The following CSMD1 variants were observed in gnomAD, a reference collection of about 807,000 sequenced individuals.
CSMD1 encodes CUB and Sushi multiple domains 1, also known as CUB and sushi domain-containing protein 1.
CSMD1 carries 213 observed loss-of-function variants against 417.5 expected under a neutral mutation model. The ratio of observed to expected loss-of-function variants is 0.51; its 90% CI spans 0.46 to 0.57. The LOEUF (loss-of-function observed/expected upper bound fraction) is 0.57, where lower values mean the gene tolerates loss of function less well. Ranked by LOEUF, CSMD1 falls within the 20% of genes least tolerant of loss-of-function variation. The pLI, the probability that CSMD1 is intolerant of heterozygous loss-of-function variation, is 0.00. For missense variants in CSMD1, 6,923 were observed against 4,529.7 expected, an observed-to-expected ratio of 1.53 and a Z score of -15.17; for synonymous variants, 2,862 against 1,736.8, an observed-to-expected ratio of 1.65 and a Z score of -16.11.
intron 7 of CSMD1, among the ~76,000 whole-genome samples, chr8:3,618,595 G>C (rs1162326334): frequency 6.6e-6 from 1 of 151,832 alleles, no homozygotes; most frequent in Non-Finnish European, 1.5e-5. Flanking sequence ...CAGCAAGTTT[G>C]GTGATAGCAT....
chr8:4,193,063 A>G (rs1305638413), intron 3 of CSMD1, among the ~76,000 whole-genome samples: 1 of 152,156 alleles, frequency 6.6e-6, no homozygotes, highest in Non-Finnish European at 1.5e-5. Flanking sequence ...TATTTATCTT[A>G]TTTGAAATAC....
chr8:4,963,061 A>T (rs1250062761), intron 1 of CSMD1, among the ~76,000 whole-genome samples: 1 of 152,152 alleles, frequency 6.6e-6, no homozygotes, highest in Non-Finnish European at 1.5e-5. Flanking sequence ...AACTGCACCC[A>T]GGAGCTCAGG....
intron 23 of CSMD1, among the ~76,000 whole-genome samples, chr8:3,332,373 C>T (rs547297998): frequency 6.6e-6 from 1 of 152,226 alleles, no homozygotes; most frequent in Admixed American, 6.5e-5. Flanking sequence ...CACCCACCTC[C>T]AGACATCTCT....
chr8:4,255,917 T>C (rs73660710), intron 3 of CSMD1, among the ~76,000 whole-genome samples: 2,061 of 152,304 alleles, frequency 0.014, 52 homozygotes, highest in African/African-American at 0.047. Context: ...GTAGCCTTTG[T>C]TGTGTTCTTG....
intron 2 of CSMD1, among the ~76,000 whole-genome samples, chr8:4,471,043 G>A (rs1358157616): frequency 1.3e-5 from 2 of 151,988 alleles, no homozygotes; most frequent in African/African-American, 4.8e-5. Flanking sequence ...GAACTTGCAA[G>A]GTCTAATTTC....
At chr8:3,920,783 T>A (rs1809192387) in intron 5 of CSMD1, among the ~76,000 whole-genome samples, 1 of 152,196 alleles carries the variant, frequency 6.6e-6, no homozygotes, top group Non-Finnish European at 1.5e-5. Flanking sequence ...TTTATTGATT[T>A]GCGTATGTTA....
intron 49 of CSMD1, among the ~76,000 whole-genome samples, chr8:3,083,321 T>G (rs563681988): frequency 6.6e-6 from 1 of 151,742 alleles, no homozygotes; most frequent in African/African-American, 2.4e-5. Context: ...AAGAACCAAA[T>G]AGAAAATAGG....
chr8:4,941,019 G>A (rs1408247460), intron 1 of CSMD1, among the ~76,000 whole-genome samples: 3 of 151,532 alleles, frequency 2.0e-5, no homozygotes, highest in Non-Finnish European at 2.9e-5. Context: ...TTTGAGAGAG[G>A]AACAATCTAC....
chr8:4,356,954 C>A (rs1801465864), intron 3 of CSMD1, among the ~76,000 whole-genome samples: 1 of 152,068 alleles, frequency 6.6e-6, no homozygotes, highest in Admixed American at 6.5e-5. Context: ...AATATAATAG[C>A]AACTGAAAGA....
At chr8:3,397,295 A>T (rs1319131236) in intron 16 of CSMD1, among the ~76,000 whole-genome samples, 1 of 152,202 alleles carries the variant, frequency 6.6e-6, no homozygotes, top group Admixed American at 6.5e-5. Context: ...TCTGTGCTGG[A>T]TGTTGCTGAT....
intron 22 of CSMD1, among the ~76,000 whole-genome samples, chr8:3,344,930 A>G (rs2117620690): frequency 6.6e-6 from 1 of 152,328 alleles, no homozygotes; most frequent in South Asian, 2.1e-4. Context: ...CATTGTGTAA[A>G]AACCATTATT....
At chr8:3,971,333 T>A (rs957621595) in intron 5 of CSMD1, among the ~76,000 whole-genome samples, 2 of 152,166 alleles carry the variant, frequency 1.3e-5, no homozygotes, top group East Asian at 1.9e-4. Context: ...CAGCTGCCGG[T>A]TCACATGTGT....
chr8:3,052,524 G>A lies in CSMD1; in HGVS notation c.7598C>T (p.Ala2533Val), dbSNP rs1232098039. 3.1e-6 allele frequency: 5 copies of A among 1,603,638 alleles called. No individual in the cohort carries two copies. The highest frequency in any genetic ancestry group is 1.3e-5 in the African/African-American group (1 of 74,800). The change falls in exon 50 of 70, where the codon GCA (alanine) becomes GTA (valine). Residue 2533 changes from alanine to valine, a missense_variant. Transcript: ENST00000635120. ...CCCATCTTCTTGACACACGGCTGTTGCTTGCTGGCTGGATTCAAGCTTGAA... is the reference window on the plus strand; with the variant it reads ...CCCATCTTCTTGACACACGGCTGTTACTTGCTGGCTGGATTCAAGCTTGAA... ...EGFKLESSQQ[A>V]TAVCQEDGLW...
chr8:4,242,773 T>A (rs1045529243), intron 3 of CSMD1, among the ~76,000 whole-genome samples: 1 of 152,156 alleles, frequency 6.6e-6, no homozygotes, highest in African/African-American at 2.4e-5. Context: ...GATGGAAAGA[T>A]GGTAATTTAT....
chr8:4,170,866 C>A (rs1797727693), intron 3 of CSMD1, among the ~76,000 whole-genome samples: 1 of 151,836 alleles, frequency 6.6e-6, no homozygotes, highest in Non-Finnish European at 1.5e-5. Context: ...AACATTTTTA[C>A]TCCTTTCCAC....
intron 11 of CSMD1, among the ~76,000 whole-genome samples, chr8:3,470,407 A>C (rs1261643008): frequency 1.3e-5 from 2 of 152,220 alleles, no homozygotes; most frequent in Non-Finnish European, 2.9e-5. Context: ...TAATATAAAG[A>C]GATTACATGT....
intron 1 of CSMD1, among the ~76,000 whole-genome samples, chr8:4,963,991 G>C (rs1186749039): frequency 6.6e-6 from 1 of 151,906 alleles, no homozygotes; most frequent in Non-Finnish European, 1.5e-5. Flanking sequence ...AATCCTAAAA[G>C]TTAAGCATAT....
At chr8:3,254,162 G>A (rs1800473380) in intron 26 of CSMD1, among the ~76,000 whole-genome samples, 1 of 152,146 alleles carries the variant, frequency 6.6e-6, no homozygotes, top group South Asian at 2.1e-4. Flanking sequence ...ATGAAATTCT[G>A]GGTTGAAAGT....
intron 1 of CSMD1, among the ~76,000 whole-genome samples, chr8:4,824,945 G>A (rs1235216483): frequency 1.3e-5 from 2 of 152,086 alleles, no homozygotes; most frequent in Non-Finnish European, 2.9e-5. Flanking sequence ...CATTTCTCGG[G>A]AATCAAAGTA....
Sources: gnomAD v4.1 joint callset for allele counts (sites outside exome capture counted in the v4.1 genomes callset) on GRCh38, gnomAD v4.1.1 for gene constraint, MANE v1.5 for transcripts, NCBI Gene and HGNC (gene_info 2026-07-23, HGNC 2026-07-21) for gene names.